PKP1: variants seen among roughly 807,000 people sequenced by gnomAD.
PKP1 encodes the protein plakophilin-1.
A neutral mutation model predicts 76.4 loss-of-function variants in PKP1; 27 were observed. The observed-to-expected ratio is 0.35, with a 90% CI of 0.26 to 0.49. The LOEUF is 0.49. Among genes scored for constraint, PKP1 ranks in the 20% least tolerant of loss-of-function variants. The pLI is 0.99. For synonymous variants in PKP1, 404 were observed against 384.2 expected (o/e 1.05, Z -0.60); for missense variants, 964 against 955.2 (o/e 1.01, Z -0.12).
chr1:201,299,704 CAGTT>C (rs575832700), intron 2 of PKP1, among the ~76,000 whole-genome samples: 99 of 152,340 alleles, frequency 6.5e-4, no homozygotes, highest in African/African-American at 2.3e-3. Context: ...AGGAAAACAG[CAGTT>C]AGTTAGCCCT....
chr1:201,316,832 G>A (rs751605355), intron 4 of PKP1, 135 bp downstream of exon 4: 26 of 916,386 alleles, frequency 2.8e-5, no homozygotes, highest in East Asian at 1.3e-4. Flanking sequence ...AGGAGCCTTC[G>A]CATTGCCCAA....
At chr1:201,316,515 C>T in intron 3 of PKP1, 38 bp from the exon 4 acceptor site, 1 of 1,572,490 alleles carries the variant, frequency 6.4e-7, no homozygotes, top group East Asian at 2.3e-5. Context: ...GGGCTCCCAG[C>T]CCACCCCGTA....
intron 2 of PKP1, among the ~76,000 whole-genome samples, chr1:201,303,940 A>G (rs1056093190): frequency 6.6e-6 from 1 of 152,140 alleles, no homozygotes; most frequent in Non-Finnish European, 1.5e-5. Flanking sequence ...CACCGAGGTG[A>G]CCTGCCCCAC....
rs1656443606 is a variant in PKP1 at position 201,308,778 on chromosome 1, G to C, written c.307-4388G>C. Among the ~76,000 whole-genome samples the C allele has an allele frequency of 2.0e-5, 3 of 152,250 alleles. No individual in the cohort carries two copies. The South Asian group carries it at 6.2e-4, about 32-fold the overall frequency. On this transcript the variant is annotated intron_variant, in intron 2 of 13. Transcript: ENST00000367324. Reference sequence around the variant, plus strand: ...TGTCTTGTAAGGAGCAGACACTGTAGGTTCTCCAGCACGGCAAGAGCTGAT... The same window carrying C: ...TGTCTTGTAAGGAGCAGACACTGTACGTTCTCCAGCACGGCAAGAGCTGAT...
rs1382628839 is a variant in PKP1 at position 201,299,804 on chromosome 1, GTAAC to G, written c.306+5762_306+5765del. ...GATGCACAACAAGTAGCTCTGCTGA[GTAAC>G]TACCCTAACTTAAAACAGACCCAAC... is the stretch of plus-strand genomic sequence containing the variant. On this transcript the variant is annotated intron_variant, in intron 2 of 13. Transcript: ENST00000367324. 2.0e-5 allele frequency among the ~76,000 whole-genome samples: 3 copies of G among 152,336 alleles called. No individual in the cohort carries two copies. In the South Asian group the frequency reaches 6.2e-4, roughly 32 times the overall value.
chr1:201,324,262 G>A (rs1436231180), intron 9 of PKP1, among the ~76,000 whole-genome samples, 166 bp from the exon 10 acceptor site: 1 of 152,152 alleles, frequency 6.6e-6, no homozygotes, highest in Non-Finnish European at 1.5e-5. Flanking sequence ...AAGGGGAGGT[G>A]CATGTTAGCC....
intron 2 of PKP1, among the ~76,000 whole-genome samples, chr1:201,298,790 T>C (rs957239597): frequency 1.3e-5 from 2 of 152,274 alleles, no homozygotes; most frequent in Non-Finnish European, 2.9e-5. Flanking sequence ...TGTACTTGCC[T>C]AACTGATATG....
In PKP1 at chr1:201,283,516, A is replaced by G. The variant is rs1655633586; in HGVS notation, c.-187A>G. The G allele has an allele frequency of 3.1e-6, 2 of 654,740 alleles. No individual in the cohort carries two copies. Among genetic ancestry groups the G allele is most frequent in the Non-Finnish European group, 5.5e-6 (2 of 363,468 alleles). The allele number at this position is 654,740 out of a possible 1,614,324, so 40.6% of individuals were successfully genotyped here. A position where few individuals can be genotyped will look rare whatever the true frequency, so the allele number is the denominator to read the frequency against. ...AGGGCGGGCCTCGCCAGTGCCAGAG[A>G]GGGACGAACCAGGGTGGAAGCGCCA... On this transcript the variant is annotated 5_prime_UTR_variant, in exon 1 of 14. Transcript: ENST00000367324.
At chr1:201,295,245 T>G (rs536592220) in intron 2 of PKP1, among the ~76,000 whole-genome samples, 1 of 152,340 alleles carries the variant, frequency 6.6e-6, no homozygotes, top group South Asian at 2.1e-4. Flanking sequence ...TTTGCTTGAT[T>G]CTTCCATTCC....
chr1:201,326,122 CAG>C (rs1377234859), intron 12 of PKP1, among the ~76,000 whole-genome samples: 1 of 152,202 alleles, frequency 6.6e-6, no homozygotes, highest in Non-Finnish European at 1.5e-5. Context: ...AACTGAAAAA[CAG>C]AGTGGACAAA....
At position 201,313,578 on chromosome 1, in the gene PKP1, G is replaced by T; in HGVS notation, c.701+18G>T. The T allele has an allele frequency of 6.2e-7, 1 of 1,605,676 alleles. No individual in the cohort carries two copies. Among genetic ancestry groups the T allele is most frequent in the South Asian group, 1.1e-5 (1 of 90,434 alleles). Reference sequence around the variant, plus strand: ...AGCTCCAAGTGAGTGCTGCTGGGCTGGGTTGGGGAGCCAGGAGGGCCAGTG... The same window carrying T: ...AGCTCCAAGTGAGTGCTGCTGGGCTTGGTTGGGGAGCCAGGAGGGCCAGTG... On this transcript the variant is annotated intron_variant, in intron 3 of 13. Coordinates refer to ENST00000367324, the MANE Select transcript of PKP1 (RefSeq NM_001005337.3).
intron 1 of PKP1, 96 bp downstream of exon 1, chr1:201,284,000 G>C: frequency 5.5e-6 from 6 of 1,098,126 alleles, no homozygotes; most frequent in Non-Finnish European, 8.2e-6. Context: ...CCGGGGATGA[G>C]GGGAGGCGAG....
intron 2 of PKP1, among the ~76,000 whole-genome samples, chr1:201,308,248 A>C (rs1418500734): frequency 6.6e-6 from 1 of 152,288 alleles, no homozygotes; most frequent in East Asian, 1.9e-4. Context: ...CCGCCAGCCC[A>C]CTTTACTCAT....
chr1:201,319,847 C>G, intron 6 of PKP1: 1 of 1,614,132 alleles, frequency 6.2e-7, no homozygotes, highest in South Asian at 1.1e-5. Flanking sequence ...GCTTCTGGCT[C>G]TTGTTCCGCA....
At chr1:201,300,177 A>G (rs972549302) in intron 2 of PKP1, among the ~76,000 whole-genome samples, 1 of 152,230 alleles carries the variant, frequency 6.6e-6, no homozygotes, top group Non-Finnish European at 1.5e-5. Context: ...CTGAGAGAAA[A>G]TGGAGGCAAG....
At chr1:201,299,994 A>C (rs861272) in intron 2 of PKP1, among the ~76,000 whole-genome samples, 20,001 of 152,258 alleles carry the variant, frequency 0.13, 1,660 homozygotes, top group East Asian at 0.19. Flanking sequence ...GCAGGCATGG[A>C]TCCTGCTCCA....
At chr1:201,327,768 G>A (rs891567449) in intron 12 of PKP1, among the ~76,000 whole-genome samples, 2 of 151,928 alleles carry the variant, frequency 1.3e-5, no homozygotes, top group South Asian at 2.1e-4. Context: ...TAGTTGGTGC[G>A]TCTGTTCCCA....
At chr1:201,300,463 T>C (rs990108273) in intron 2 of PKP1, among the ~76,000 whole-genome samples, 1 of 152,208 alleles carries the variant, frequency 6.6e-6, no homozygotes, top group African/African-American at 2.4e-5. Flanking sequence ...TGCTCTCCCC[T>C]CCATGGCAGG....
intron 7 of PKP1, 65 bp from the exon 8 acceptor site, chr1:201,321,913 G>T (rs536158177): frequency 6.3e-7 from 1 of 1,587,382 alleles, no homozygotes; most frequent in East Asian, 2.2e-5. Flanking sequence ...GCTAGGGTAG[G>T]TGGTAGGCCA....
Sources: gnomAD v4.1 joint callset for allele counts (sites outside exome capture counted in the v4.1 genomes callset) on GRCh38, gnomAD v4.1.1 for gene constraint, MANE v1.5 for transcripts, NCBI Gene and HGNC (gene_info 2026-07-23, HGNC 2026-07-21) for gene names.